Variants in PIK3C2G observed in about 807,000 individuals in gnomAD.
PIK3C2G encodes phosphatidylinositol-4-phosphate 3-kinase catalytic subunit type 2 gamma.
In PIK3C2G, 168 loss-of-function variants were observed where a neutral mutation model predicts 181.1. That is an observed-to-expected ratio of 0.93 (90% CI 0.82 to 1.05). The LOEUF is 1.05. Ranked by LOEUF, PIK3C2G falls within the 50% of genes least tolerant of loss-of-function variation. PIK3C2G has a pLI of 0.00. For missense variants in PIK3C2G, 1,869 were observed against 1,732.8 expected (o/e 1.08, Z -1.40); for synonymous variants, 573 against 592.2 (o/e 0.97, Z 0.47).
intron 24 of PIK3C2G, among the ~76,000 whole-genome samples, chr12:18,509,959 A>G (rs1942100922): frequency 6.6e-6 from 1 of 152,042 alleles, no homozygotes; most frequent in African/African-American, 2.4e-5. Context: ...CTTTTGAACT[A>G]TTGCCTAATT....
intron 18 of PIK3C2G, among the ~76,000 whole-genome samples, chr12:18,471,202 C>A (rs1938423465): frequency 6.6e-6 from 1 of 152,116 alleles, no homozygotes; most frequent in Non-Finnish European, 1.5e-5. Flanking sequence ...GAAAGCGATG[C>A]TCCAGAAGGA....
the PIK3C2G span, among the ~76,000 whole-genome samples, chr12:18,686,390 A>C: frequency 2.0e-5 from 3 of 152,096 alleles, no homozygotes; most frequent in African/African-American, 7.2e-5. Context: ...GACCCTCCCT[A>C]AATAATTTTC....
the PIK3C2G span, among the ~76,000 whole-genome samples, chr12:18,671,012 C>T: frequency 0.47 from 70,662 of 151,394 alleles, 17,324 homozygotes; most frequent in South Asian, 0.61. Flanking sequence ...ACCCTGTCTC[C>T]ACTAAAATAC....
intron 8 of PIK3C2G, 66 bp from the exon 9 acceptor site, chr12:18,338,360 G>T: frequency 8.2e-7 from 1 of 1,225,168 alleles, no homozygotes; most frequent in Non-Finnish European, 1.1e-6. Context: ...GAAGAAGTTT[G>T]AGGATAAATT....
At chr12:18,518,555 G>T (rs1452348923) in intron 24 of PIK3C2G, among the ~76,000 whole-genome samples, 1 of 152,110 alleles carries the variant, frequency 6.6e-6, no homozygotes, top group Non-Finnish European at 1.5e-5. Flanking sequence ...ATGGTAGTTT[G>T]TATTTCTGTG....
the PIK3C2G span, among the ~76,000 whole-genome samples, chr12:18,715,494 C>T: frequency 6.6e-6 from 1 of 151,732 alleles, no homozygotes; most frequent in East Asian, 1.9e-4. Flanking sequence ...CTCCGCCTCC[C>T]GGGTTCACGC....
intron 31 of PIK3C2G, among the ~76,000 whole-genome samples, chr12:18,619,927 T>C (rs1948773245): frequency 6.6e-6 from 1 of 152,106 alleles, no homozygotes; most frequent in Non-Finnish European, 1.5e-5. Context: ...GGTTTCACCA[T>C]GTTAGCCAGG....
intron 1 of PIK3C2G, among the ~76,000 whole-genome samples, chr12:18,280,465 G>A (rs534040078): frequency 6.6e-6 from 1 of 152,132 alleles, no homozygotes; most frequent in East Asian, 1.9e-4. Flanking sequence ...AAGGCAAGAA[G>A]TAGGATGAGT....
At chr12:18,406,201 T>C (rs929064742) in intron 16 of PIK3C2G, among the ~76,000 whole-genome samples, 2 of 152,202 alleles carry the variant, frequency 1.3e-5, no homozygotes, top group African/African-American at 4.8e-5. Flanking sequence ...CTATCATAAA[T>C]AACAGAACTT....
Position 18,497,696 on chromosome 12 carries a change from C to A in PIK3C2G, c.2964C>A (p.Gly988=). 1 of 1,612,218 alleles carries A rather than the reference C, an allele frequency of 6.2e-7. No homozygotes were observed. Among genetic ancestry groups the A allele is most frequent in the Non-Finnish European group, 8.5e-7 (1 of 1,178,614 alleles). The change falls in exon 22 of 33, where the codon GGC becomes GGA. Residue 988 remains glycine, a synonymous_variant. Coordinates refer to ENST00000538779, the MANE Select transcript of PIK3C2G (RefSeq NM_001288772.2). ...QVMDNIWLQE[G]LDMQMIIYRC... The stretch of plus-strand genomic sequence containing the variant: ...TGGACAATATTTGGCTGCAGGAAGG[C>A]TTGGATATGCAAATGATCATTTATA...
At chr12:18,380,948 G>C (rs1942793162) in intron 13 of PIK3C2G, among the ~76,000 whole-genome samples, 1 of 152,150 alleles carries the variant, frequency 6.6e-6, no homozygotes, top group Non-Finnish European at 1.5e-5. Flanking sequence ...TAATTTTGTT[G>C]ACTTTCAGTT....
At chr12:18,533,871 A>G (rs926453931) in intron 24 of PIK3C2G, among the ~76,000 whole-genome samples, 3 of 151,324 alleles carry the variant, frequency 2.0e-5, no homozygotes, top group Non-Finnish European at 4.4e-5. Context: ...AGGAGATTAT[A>G]TATACAGTAT....
At chr12:18,461,282 T>C (rs1215225967) in intron 18 of PIK3C2G, among the ~76,000 whole-genome samples, 1 of 152,176 alleles carries the variant, frequency 6.6e-6, no homozygotes, top group African/African-American at 2.4e-5. Flanking sequence ...CTTATTACAT[T>C]ATAATTTATT....
chr12:18,690,748 C>A, the PIK3C2G span, among the ~76,000 whole-genome samples: 1 of 152,072 alleles, frequency 6.6e-6, no homozygotes, highest in South Asian at 2.1e-4. Flanking sequence ...ATGAAATAGG[C>A]AGGTAAGGCT....
At chr12:18,449,314 T>G (rs1435813983) in intron 18 of PIK3C2G, among the ~76,000 whole-genome samples, 1 of 152,144 alleles carries the variant, frequency 6.6e-6, no homozygotes, top group East Asian at 1.9e-4. Context: ...CTTTAAGTTC[T>G]GGGATACATG....
chr12:18,543,704 G>T (rs1197832490), intron 25 of PIK3C2G, among the ~76,000 whole-genome samples: 1 of 151,856 alleles, frequency 6.6e-6, no homozygotes, highest in East Asian at 1.9e-4. Flanking sequence ...GATCATAATT[G>T]TGCGGCCTTA....
the PIK3C2G span, among the ~76,000 whole-genome samples, chr12:18,707,762 C>A: frequency 1.3e-5 from 2 of 152,104 alleles, no homozygotes; most frequent in African/African-American, 2.4e-5. Context: ...AAACTTTAAT[C>A]TTATCTATGC....
At chr12:18,682,652 C>T in the PIK3C2G span, among the ~76,000 whole-genome samples, 7 of 152,058 alleles carry the variant, frequency 4.6e-5, no homozygotes, top group East Asian at 5.8e-4. Context: ...TTTATAGATA[C>T]GGAGTCTGAA....
At chr12:18,275,494 GT>G (rs1200985436) in intron 1 of PIK3C2G, among the ~76,000 whole-genome samples, 2 of 152,136 alleles carry the variant, frequency 1.3e-5, no homozygotes, top group African/African-American at 4.8e-5. Flanking sequence ...CAATTCTCCT[GT>G]CTCAGCCTCC....
Sources: gnomAD v4.1 joint callset for allele counts (sites outside exome capture counted in the v4.1 genomes callset) on GRCh38, gnomAD v4.1.1 for gene constraint, MANE v1.5 for transcripts, NCBI Gene and HGNC (gene_info 2026-07-23, HGNC 2026-07-21) for gene names.